Variants in PTPRT observed in about 807,000 individuals in gnomAD.
PTPRT encodes the protein receptor-type tyrosine-protein phosphatase T.
In PTPRT, 56 loss-of-function variants were observed where a neutral mutation model predicts 176.8. The observed-to-expected ratio is 0.32, with a 90% CI of 0.26 to 0.40. The LOEUF is 0.40. PTPRT is among the 10% of genes least tolerant of loss of function. The pLI, the probability that PTPRT is intolerant of heterozygous loss-of-function variation, is 1.00. For synonymous variants in PTPRT, 783 were observed against 739.0 expected (o/e 1.06, Z -0.96); for missense variants, 1,540 against 1,908.2 (o/e 0.81, Z 3.60).
chr20:42,161,547 G>C lies in PTPRT; in HGVS notation c.2492-5C>G. On this transcript the variant is annotated splice_polypyrimidine_tract_variant and splice_region_variant and intron_variant, in intron 16 of 30. Transcript: ENST00000373187. Reference sequence around the variant, plus strand: ...GCTCCCCGCGGCTGCCATCTGCTTCGAAAAGAAGGAGGCAGAACAGATCAT... The same window carrying C: ...GCTCCCCGCGGCTGCCATCTGCTTCCAAAAGAAGGAGGCAGAACAGATCAT... 6.3e-7 allele frequency: 1 copy of C among 1,598,560 alleles called. No homozygotes were observed. Among genetic ancestry groups the C allele is most frequent in the East Asian group, 2.2e-5 (1 of 44,812 alleles).
chr20:42,596,231 A>T (rs371057925), intron 7 of PTPRT, among the ~76,000 whole-genome samples: 5 of 152,160 alleles, frequency 3.3e-5, no homozygotes, highest in African/African-American at 1.2e-4. Flanking sequence ...TGTGCTGCTC[A>T]CTTCATCCCT....
chr20:42,109,484 T>C (rs1478518321), intron 23 of PTPRT, among the ~76,000 whole-genome samples: 2 of 152,144 alleles, frequency 1.3e-5, no homozygotes, highest in Non-Finnish European at 2.9e-5. Flanking sequence ...GCTGAAAATA[T>C]CTCTTCTTCA....
chr20:42,204,034 T>A (rs1338548874), intron 15 of PTPRT, among the ~76,000 whole-genome samples: 1 of 152,238 alleles, frequency 6.6e-6, no homozygotes, highest in Non-Finnish European at 1.5e-5. Flanking sequence ...CTTAAAAGTC[T>A]GCAATTTGGA....
chr20:43,158,315 G>GA (rs768514049), intron 1 of PTPRT, among the ~76,000 whole-genome samples: 3 of 152,186 alleles, frequency 2.0e-5, no homozygotes, highest in Non-Finnish European at 4.4e-5. Context: ...CTGGTTTGGA[G>GA]AATTAGGAGT....
At chr20:42,547,413 A>C (rs1454567532) in intron 7 of PTPRT, among the ~76,000 whole-genome samples, 2 of 152,010 alleles carry the variant, frequency 1.3e-5, no homozygotes, top group Non-Finnish European at 2.9e-5. Context: ...AAAAAAATAT[A>C]TTATTTAGAG....
chr20:42,206,710 G>T (rs1256375244), intron 15 of PTPRT, among the ~76,000 whole-genome samples: 3 of 152,238 alleles, frequency 2.0e-5, no homozygotes, highest in Non-Finnish European at 4.4e-5. Context: ...TGGGGGAGGG[G>T]CACCCGCCAT....
intron 9 of PTPRT, among the ~76,000 whole-genome samples, chr20:42,382,567 G>C (rs1415337872): frequency 6.6e-6 from 1 of 152,200 alleles, no homozygotes; most frequent in African/African-American, 2.4e-5. Context: ...GCCAGGTGGA[G>C]AGTGTCATGG....
intron 1 of PTPRT, among the ~76,000 whole-genome samples, chr20:42,945,690 C>T (rs567130316): frequency 1.6e-3 from 240 of 152,334 alleles, no homozygotes; most frequent in African/African-American, 5.1e-3. Flanking sequence ...AGCTGAGCTG[C>T]TCTGTCCACT....
At chr20:42,246,315 A>C (rs1285164106) in intron 14 of PTPRT, among the ~76,000 whole-genome samples, 2 of 151,578 alleles carry the variant, frequency 1.3e-5, no homozygotes, top group Non-Finnish European at 2.9e-5. Context: ...TTCTCCTCCT[A>C]CCCTCCCCTC....
intron 2 of PTPRT, among the ~76,000 whole-genome samples, chr20:42,845,384 G>A (rs1048818779): frequency 6.6e-6 from 1 of 152,140 alleles, no homozygotes; most frequent in East Asian, 1.9e-4. Flanking sequence ...GCAGGTTTAT[G>A]ATTTTATATA....
chr20:42,627,577 T>G (rs2074316443), intron 7 of PTPRT, among the ~76,000 whole-genome samples: 1 of 152,114 alleles, frequency 6.6e-6, no homozygotes, highest in Admixed American at 6.6e-5. Context: ...TGGCCCCATG[T>G]CCTGTTTCTA....
chr20:42,295,771 G>A (rs1200544739), intron 12 of PTPRT, among the ~76,000 whole-genome samples: 1 of 152,198 alleles, frequency 6.6e-6, no homozygotes, highest in Non-Finnish European at 1.5e-5. Context: ...ATCCCCATGT[G>A]TTGGGGGAGG....
intron 12 of PTPRT, among the ~76,000 whole-genome samples, chr20:42,300,344 G>A (rs1229522355): frequency 1.3e-5 from 2 of 151,616 alleles, no homozygotes; most frequent in Non-Finnish European, 2.9e-5. Flanking sequence ...TAGAATCAGT[G>A]GTACTCACTA....
At chr20:42,428,478 T>A (rs912097111) in intron 9 of PTPRT, among the ~76,000 whole-genome samples, 1 of 152,348 alleles carries the variant, frequency 6.6e-6, no homozygotes, top group East Asian at 1.9e-4. Context: ...TGACTTGGTA[T>A]GGGAAACTTT....
At chr20:42,318,611 T>C (rs1029892292) in intron 11 of PTPRT, among the ~76,000 whole-genome samples, 1 of 152,150 alleles carries the variant, frequency 6.6e-6, no homozygotes, top group Non-Finnish European at 1.5e-5. Context: ...GCAGTCCTCA[T>C]ATCCTCTTCA....
intron 9 of PTPRT, among the ~76,000 whole-genome samples, chr20:42,380,100 T>G (rs1191074570): frequency 6.6e-6 from 1 of 152,224 alleles, no homozygotes; most frequent in Non-Finnish European, 1.5e-5. Flanking sequence ...ACTAAGAACC[T>G]AAGCCCTATT....
chr20:42,272,675 G>C, intron 13 of PTPRT, among the ~76,000 whole-genome samples: 1 of 151,912 alleles, frequency 6.6e-6, no homozygotes, highest in East Asian at 1.9e-4. Context: ...ACTATCTAAG[G>C]ACAATGCTTT....
chr20:42,459,047 A>T (rs1277601714), intron 8 of PTPRT, among the ~76,000 whole-genome samples: 1 of 152,172 alleles, frequency 6.6e-6, no homozygotes, highest in African/African-American at 2.4e-5. Context: ...GTGCTGTAGG[A>T]GACTTCCAGT....
chr20:43,153,695 C>A (rs867826337), intron 1 of PTPRT, among the ~76,000 whole-genome samples: 1 of 152,154 alleles, frequency 6.6e-6, no homozygotes, highest in Non-Finnish European at 1.5e-5. Context: ...ATAAAGGTCG[C>A]ATGCTACCAT....
Sources: gnomAD v4.1 joint callset for allele counts (sites outside exome capture counted in the v4.1 genomes callset) on GRCh38, gnomAD v4.1.1 for gene constraint, MANE v1.5 for transcripts, NCBI Gene and HGNC (gene_info 2026-07-23, HGNC 2026-07-21) for gene names.